The following RFTN1 variants were observed in gnomAD, a reference collection of about 807,000 sequenced individuals.
RFTN1 encodes raftlin.
In RFTN1, 26 loss-of-function variants were observed where a neutral mutation model predicts 46.5. The ratio of observed to expected loss-of-function variants is 0.56; its 90% CI spans 0.41 to 0.78. The LOEUF is 0.78. Ranked by LOEUF, RFTN1 falls within the 30% of genes least tolerant of loss-of-function variation. RFTN1 has a pLI of 0.00. For synonymous variants in RFTN1, 261 were observed against 284.2 expected (o/e 0.92, Z 0.82); for missense variants, 693 against 718.7 (o/e 0.96, Z 0.41).
intron 4 of RFTN1, among the ~76,000 whole-genome samples, chr3:16,392,434 G>A (rs577041238): frequency 3.3e-5 from 5 of 152,068 alleles, no homozygotes; most frequent in Non-Finnish European, 5.9e-5. Flanking sequence ...AGGTGTCACC[G>A]AGGTGGGATG....
In RFTN1 at chr3:16,341,016, C is replaced by T. The variant is rs2071281879; in HGVS notation, c.1147-14140G>A. Among the ~76,000 whole-genome samples, 1 of 152,170 alleles carries T rather than the reference C, an allele frequency of 6.6e-6. No homozygotes were observed. ...GCAAAAGTTCTAAACAAATACCTCA[C>T]CAAAGAAGATATGCAGGTAGCAAAT... On this transcript the variant is annotated intron_variant, in intron 7 of 9. Coordinates refer to ENST00000334133, the MANE Select transcript of RFTN1 (RefSeq NM_015150.2). The surrounding 1 kb of genome is among the most constrained non-coding windows in gnomAD (Gnocchi z 4.7).
rs1440571716 is a variant in RFTN1 at position 16,465,760 on chromosome 3, C to T, written c.145+27965G>A. Among the ~76,000 whole-genome samples, 1 of 152,142 alleles carries T rather than the reference C, an allele frequency of 6.6e-6. No homozygotes were observed. Among genetic ancestry groups the T allele is most frequent in the Non-Finnish European group, 1.5e-5 (1 of 68,014 alleles). ...ACTATACCTTGTGCAGAAGGCTGAG[C>T]AGGGGATGTCCACATCTTGCCAACC... On this transcript the variant is annotated intron_variant, in intron 2 of 9. Coordinates refer to ENST00000334133, the MANE Select transcript of RFTN1 (RefSeq NM_015150.2). The surrounding 1 kb of genome is among the most constrained non-coding windows in gnomAD (Gnocchi z 5.1).
chr3:16,317,650 A>G lies in RFTN1; in HGVS notation c.1333-418T>C, dbSNP rs2068559516. On this transcript the variant is annotated intron_variant, in intron 9 of 9. Coordinates refer to ENST00000334133, the MANE Select transcript of RFTN1 (RefSeq NM_015150.2). This position sits in a 1 kb window ranked among gnomAD's most constrained non-coding sequence, Gnocchi z 4.3. ...CTGAGCAGGCTGAGGATTACCAGGC[A>G]CGGGGCTGGCATTCTCTCACTAGGT... 6.6e-6 allele frequency among the ~76,000 whole-genome samples: 1 copy of G among 152,190 alleles called. No homozygotes were observed. Among genetic ancestry groups the G allele is most frequent in the Non-Finnish European group, 1.5e-5 (1 of 68,044 alleles).
intron 4 of RFTN1, among the ~76,000 whole-genome samples, chr3:16,393,058 TCAAA>T (rs72329767): frequency 2.2e-3 from 50 of 23,088 alleles, no homozygotes; most frequent in African/African-American, 4.8e-3. Flanking sequence ...GAGCTCAGCA[TCAAA>T]CAAACAAACA....
intron 2 of RFTN1, among the ~76,000 whole-genome samples, chr3:16,455,716 G>A (rs1370969581): frequency 6.6e-6 from 1 of 152,122 alleles, no homozygotes; most frequent in African/African-American, 2.4e-5. Context: ...AACTCCTCAA[G>A]CTCTCAGATA....
intron 2 of RFTN1, among the ~76,000 whole-genome samples, chr3:16,488,529 T>C (rs1169854207): frequency 6.6e-6 from 1 of 152,216 alleles, no homozygotes; most frequent in East Asian, 1.9e-4. Flanking sequence ...AAAATAAGTG[T>C]ATAGAGTGTC....
chr3:16,345,264 T>TTTTGTGTGTG lies in RFTN1; in HGVS notation c.1146+12667_1146+12668insCACACACAAA, dbSNP rs1491581919. The TTTTGTGTGTG allele has an allele frequency of 6.9e-6, 1 of 145,838 alleles. No individual in the cohort carries two copies. The highest frequency in any genetic ancestry group is 1.5e-5 in the Non-Finnish European group (1 of 66,982). The allele number at this position is 145,838 out of a possible 1,614,324, so 9.0% of individuals were successfully genotyped here. A position where few individuals can be genotyped will look rare whatever the true frequency, so the allele number is the denominator to read the frequency against. On this transcript the variant is annotated intron_variant, in intron 7 of 9. Coordinates refer to ENST00000334133, the MANE Select transcript of RFTN1 (RefSeq NM_015150.2). The surrounding 1 kb of genome is among the most constrained non-coding windows in gnomAD (Gnocchi z 5.2). Reference sequence around the variant, plus strand: ...AAACTGTAAGATAATAAGTAGGTGGTTGTGTGTGTGTGTGTGTGTGTGTGT... The same window carrying TTTTGTGTGTG: ...AAACTGTAAGATAATAAGTAGGTGGTTTTGTGTGTGTGTGTGTGTGTGTGTGTGTGTGTGT...
In RFTN1 at chr3:16,421,230, C is replaced by T. The variant is rs1315089096; in HGVS notation, c.333-11747G>A. Among the ~76,000 whole-genome samples the T allele has an allele frequency of 6.6e-6, 1 of 152,152 alleles. No individual in the cohort carries two copies. The highest frequency in any genetic ancestry group is 1.5e-5 in the Non-Finnish European group (1 of 68,030). The stretch of plus-strand genomic sequence containing the variant: ...AGCTAATACCTCAAGGCAAAATATA[C>T]ACTTGAAATGAGATTCATTGTTAAC... On this transcript the variant is annotated intron_variant, in intron 3 of 9. Coordinates refer to ENST00000334133, the MANE Select transcript of RFTN1 (RefSeq NM_015150.2). The surrounding 1 kb of genome is among the most constrained non-coding windows in gnomAD (Gnocchi z 4.6).
chr3:16,342,999 C>T lies in RFTN1; in HGVS notation c.1146+14933G>A, dbSNP rs111603255. Among the ~76,000 whole-genome samples, 5 of 152,276 alleles carry T rather than the reference C, an allele frequency of 3.3e-5. 1 individual carries two copies. Among genetic ancestry groups the T allele is most frequent in the African/African-American group, 1.2e-4 (5 of 41,558 alleles). On this transcript the variant is annotated intron_variant, in intron 7 of 9. Coordinates refer to ENST00000334133, the MANE Select transcript of RFTN1 (RefSeq NM_015150.2). This position sits in a 1 kb window ranked among gnomAD's most constrained non-coding sequence, Gnocchi z 4.0. Reference sequence around the variant, plus strand: ...GGGAATACAGGCACACACCACCATGCCCAGCTAATTTTTATTTTTTTAATG... The same window carrying T: ...GGGAATACAGGCACACACCACCATGTCCAGCTAATTTTTATTTTTTTAATG...
At chr3:16,372,648 G>T (rs954747038) in intron 5 of RFTN1, among the ~76,000 whole-genome samples, 1 of 152,186 alleles carries the variant, frequency 6.6e-6, no homozygotes, top group African/African-American at 2.4e-5. Flanking sequence ...CCCACTCAAT[G>T]GCAAGACAGA....
At position 16,344,879 on chromosome 3, in the gene RFTN1, C is replaced by T. The variant is rs2071537658; in HGVS notation, c.1146+13053G>A. Among the ~76,000 whole-genome samples, 1 of 152,208 alleles carries T rather than the reference C, an allele frequency of 6.6e-6. No individual in the cohort carries two copies. The highest frequency in any genetic ancestry group is 2.4e-5 in the African/African-American group (1 of 41,442). On this transcript the variant is annotated intron_variant, in intron 7 of 9. Coordinates refer to ENST00000334133, the MANE Select transcript of RFTN1 (RefSeq NM_015150.2). This position sits in a 1 kb window ranked among gnomAD's most constrained non-coding sequence, Gnocchi z 4.4. ...AACACATAACTACAAGAACACCCCC[C>T]AACCTTTTATGCTCACTGATTTAAT...
At position 16,443,171 on chromosome 3, in the gene RFTN1, T is replaced by C. The variant is rs1397388333; in HGVS notation, c.146-9134A>G. Among the ~76,000 whole-genome samples, 1 of 152,248 alleles carries C rather than the reference T, an allele frequency of 6.6e-6. No homozygotes were observed. Among genetic ancestry groups the C allele is most frequent in the African/African-American group, 2.4e-5 (1 of 41,470 alleles). On this transcript the variant is annotated intron_variant, in intron 2 of 9. Transcript: ENST00000334133. The surrounding 1 kb of genome is among the most constrained non-coding windows in gnomAD (Gnocchi z 5.5). ...ATATTGTTTTCTATAATGGCTGTAC[T>C]AGTTTACATTCCCACCAACGGGGTG...
rs369490274 is a variant in RFTN1, at chr3:16,433,813, G to C, written c.332+38C>G. 6.2e-7 allele frequency: 1 copy of C among 1,602,512 alleles called. No homozygotes were observed. On this transcript the variant is annotated intron_variant, in intron 3 of 9. Transcript: ENST00000334133. This position sits in a 1 kb window ranked among gnomAD's most constrained non-coding sequence, Gnocchi z 4.4. ...CTCCTCTATTGAGCATAACTTAGCC[G>C]CAACAGGATGCTACCCATTCACCCG...
intron 7 of RFTN1, among the ~76,000 whole-genome samples, chr3:16,357,136 AC>A (rs796562368): frequency 0.2 from 7,845 of 39,280 alleles, 294 homozygotes; most frequent in Non-Finnish European, 0.34. Context: ...AAACAAAAAA[AC>A]AAACAAACAA....
intron 5 of RFTN1, among the ~76,000 whole-genome samples, chr3:16,373,249 G>A (rs1325437683): frequency 3.3e-5 from 5 of 152,202 alleles, no homozygotes; most frequent in Admixed American, 2.6e-4. Context: ...GGACTGTACT[G>A]GCAGAGCACC....
At chr3:16,437,689 C>T (rs1264756742) in intron 2 of RFTN1, among the ~76,000 whole-genome samples, 3 of 151,944 alleles carry the variant, frequency 2.0e-5, no homozygotes, top group Non-Finnish European at 2.9e-5. Context: ...AAGATAGGAT[C>T]GGTGTTTTTT....
At chr3:16,406,819 T>A (rs2074868277) in intron 4 of RFTN1, among the ~76,000 whole-genome samples, 1 of 152,342 alleles carries the variant, frequency 6.6e-6, no homozygotes, top group South Asian at 2.1e-4. Context: ...TCTAAGAACC[T>A]ACACAGTGTT....
intron 7 of RFTN1, among the ~76,000 whole-genome samples, chr3:16,332,892 T>C (rs915825429): frequency 1.3e-5 from 2 of 152,232 alleles, no homozygotes; most frequent in Non-Finnish European, 2.9e-5. Flanking sequence ...AGCTATGTTC[T>C]GTAAAGTCAT....
At chr3:16,319,669 C>T (rs1037362055) in intron 9 of RFTN1, among the ~76,000 whole-genome samples, 7 of 152,210 alleles carry the variant, frequency 4.6e-5, no homozygotes, top group Non-Finnish European at 1.0e-4. Flanking sequence ...ATCCAGTTTC[C>T]TGTAGAAGAT....
Sources: gnomAD v4.1 joint callset for allele counts (sites outside exome capture counted in the v4.1 genomes callset) on GRCh38, gnomAD v4.1.1 for gene constraint, Gnocchi (gnomAD v3.1) non-coding constraint, MANE v1.5 for transcripts, NCBI Gene and HGNC (gene_info 2026-07-23, HGNC 2026-07-21) for gene names.